The following DPP10 variants were observed in gnomAD, a reference collection of about 807,000 sequenced individuals.
DPP10 encodes the protein dipeptidyl peptidase like 10, also known as inactive dipeptidyl peptidase 10.
DPP10 carries 33 observed loss-of-function variants against 120.9 expected under a neutral mutation model. The observed-to-expected ratio is 0.27, with a 90% CI of 0.21 to 0.37. The LOEUF is 0.37. Ranked by LOEUF, DPP10 falls within the 10% of genes least tolerant of loss-of-function variation. DPP10 has a pLI of 1.00. For missense variants in DPP10, 816 were observed against 942.8 expected, an observed-to-expected ratio of 0.87 and a Z score of 1.76; for synonymous variants, 337 against 326.1, an observed-to-expected ratio of 1.03 and a Z score of -0.36.
chr2:115,633,366 G>A (rs1233143325), intron 5 of DPP10, among the ~76,000 whole-genome samples: 1 of 152,104 alleles, frequency 6.6e-6, no homozygotes, highest in Non-Finnish European at 1.5e-5. Context: ...TCACTCATAG[G>A]TGGGAATTGA....
At chr2:115,233,395 T>G (rs1559285474) in intron 1 of DPP10, among the ~76,000 whole-genome samples, 1 of 152,172 alleles carries the variant, frequency 6.6e-6, no homozygotes, top group Non-Finnish European at 1.5e-5. Flanking sequence ...TAAGACATGG[T>G]TCTAGAATGC....
At chr2:114,505,812 A>G (rs374501274) in intron 1 of DPP10, among the ~76,000 whole-genome samples, 1 of 151,944 alleles carries the variant, frequency 6.6e-6, no homozygotes, top group South Asian at 2.1e-4. Flanking sequence ...GCTTTCCTCT[A>G]TCTATGAACT....
In DPP10 at chr2:115,368,747, TAGTC is replaced by T. The variant is rs775952268; in HGVS notation, c.271+24836_271+24839del. On this transcript the variant is annotated intron_variant, in intron 3 of 25. Transcript: ENST00000410059. ...ATTATGAATTTTTAAAAGAGTGTGA[TAGTC>T]GGCTCCTTTTTTAAATTTAATTTTA... is the stretch of plus-strand genomic sequence containing the variant. 8.6e-5 allele frequency among the ~76,000 whole-genome samples: 13 copies of T among 151,832 alleles called. No individual in the cohort carries two copies. In the East Asian group the frequency reaches 2.1e-3, roughly 25 times the overall value.
intron 1 of DPP10, among the ~76,000 whole-genome samples, chr2:114,574,019 C>A (rs1417657248): frequency 6.6e-6 from 1 of 152,120 alleles, no homozygotes. Flanking sequence ...GAGGCTCAAG[C>A]AGATAAACTG....
At chr2:114,856,565 T>A (rs189883159) in intron 1 of DPP10, among the ~76,000 whole-genome samples, 125 of 152,306 alleles carry the variant, frequency 8.2e-4, no homozygotes, top group Non-Finnish European at 1.4e-3. Flanking sequence ...TGAAAAAGCA[T>A]AAAGTACTGC....
At chr2:114,683,423 C>T (rs969448918) in intron 1 of DPP10, among the ~76,000 whole-genome samples, 2 of 151,674 alleles carry the variant, frequency 1.3e-5, no homozygotes, top group Admixed American at 6.6e-5. Flanking sequence ...ATAAACTCTT[C>T]ACCACCCAGT....
At chr2:114,838,673 A>T (rs1046294732) in intron 1 of DPP10, among the ~76,000 whole-genome samples, 6 of 152,036 alleles carry the variant, frequency 3.9e-5, no homozygotes, top group Admixed American at 2.6e-4. Context: ...TATACCCTCC[A>T]ATTTCTCCCT....
chr2:114,477,431 G>A (rs1168819034), intron 1 of DPP10, among the ~76,000 whole-genome samples: 2 of 151,612 alleles, frequency 1.3e-5, no homozygotes, highest in Non-Finnish European at 2.9e-5. Flanking sequence ...ACACATATAT[G>A]TATATATGAA....
At chr2:114,456,983 A>G (rs1187827661) in intron 1 of DPP10, among the ~76,000 whole-genome samples, 1 of 152,226 alleles carries the variant, frequency 6.6e-6, no homozygotes, top group African/African-American at 2.4e-5. Flanking sequence ...AACAGTTAAT[A>G]AAAGTGATGC....
At chr2:115,281,891 G>A (rs900777374) in intron 1 of DPP10, among the ~76,000 whole-genome samples, 8 of 152,000 alleles carry the variant, frequency 5.3e-5, no homozygotes, top group Non-Finnish European at 7.4e-5. Flanking sequence ...AGAAATTTTA[G>A]AAATTTTAAA....
At chr2:115,501,002 TATG>T (rs2076654459) in intron 4 of DPP10, among the ~76,000 whole-genome samples, 1 of 151,982 alleles carries the variant, frequency 6.6e-6, no homozygotes, top group African/African-American at 2.4e-5. Flanking sequence ...GATGAGAAGG[TATG>T]ATGATAATAT....
chr2:115,343,993 G>A, intron 3 of DPP10, 81 bp downstream of exon 3: 1 of 1,150,276 alleles, frequency 8.7e-7, no homozygotes. Context: ...TGTGTAAGCT[G>A]GGCGCAATGG....
At chr2:115,656,228 C>A (rs1001057307) in intron 5 of DPP10, among the ~76,000 whole-genome samples, 4 of 150,692 alleles carry the variant, frequency 2.7e-5, no homozygotes, top group African/African-American at 9.7e-5. Context: ...TTAAACTAAT[C>A]AAATTGTATA....
intron 3 of DPP10, among the ~76,000 whole-genome samples, chr2:115,494,143 C>T (rs2076273056): frequency 6.6e-6 from 1 of 152,020 alleles, no homozygotes; most frequent in Non-Finnish European, 1.5e-5. Context: ...CGGGGTTTCA[C>T]CATGTTGGTC....
At chr2:115,580,866 A>T (rs11888808) in intron 5 of DPP10, among the ~76,000 whole-genome samples, 20,329 of 151,938 alleles carry the variant, frequency 0.13, 2,534 homozygotes, top group African/African-American at 0.32. Flanking sequence ...ATATTTTTCT[A>T]TTGGGTGTAT....
intron 1 of DPP10, among the ~76,000 whole-genome samples, chr2:114,906,838 G>T (rs1694006305): frequency 6.6e-6 from 1 of 151,972 alleles, no homozygotes. Flanking sequence ...TGTGTTGTTT[G>T]GTGTCAAGGC....
At chr2:114,916,639 C>G (rs1315514231) in intron 1 of DPP10, among the ~76,000 whole-genome samples, 2 of 152,172 alleles carry the variant, frequency 1.3e-5, no homozygotes, top group Non-Finnish European at 2.9e-5. Context: ...GTCAAGTAGG[C>G]TTTATTCCTA....
chr2:114,724,709 C>G (rs1464459777), intron 1 of DPP10, among the ~76,000 whole-genome samples: 1 of 152,172 alleles, frequency 6.6e-6, no homozygotes, highest in Non-Finnish European at 1.5e-5. Flanking sequence ...TGTGCAGCCT[C>G]TGAAAGCTGA....
chr2:115,349,885 C>T (rs1405615266), intron 3 of DPP10, among the ~76,000 whole-genome samples: 2 of 151,946 alleles, frequency 1.3e-5, no homozygotes, highest in African/African-American at 4.8e-5. Flanking sequence ...ACATCATTAC[C>T]CTCCCTTTAG....
Sources: allele counts gnomAD v4.1 joint callset (sites outside exome capture counted in the v4.1 genomes callset), GRCh38; gene constraint gnomAD v4.1.1; transcripts MANE v1.5; gene names NCBI Gene and HGNC (gene_info 2026-07-23, HGNC 2026-07-21).